The following BTBD1 variants were observed in gnomAD, a reference collection of about 807,000 sequenced individuals.
BTBD1 encodes the protein BTB/POZ domain-containing protein 1.
Under a neutral mutation model 48.0 loss-of-function variants are expected in BTBD1, and 34 were observed. That is an observed-to-expected ratio of 0.71 (90% confidence interval 0.54 to 0.94). BTBD1 has a LOEUF of 0.94. Among genes scored for constraint, BTBD1 ranks in the 40% least tolerant of loss-of-function variants. The pLI is 0.00. For missense variants in BTBD1, 543 were observed against 625.6 expected (o/e 0.87, Z 1.41); for synonymous variants, 261 against 242.1 (o/e 1.08, Z -0.72).
intron 1 of BTBD1, among the ~76,000 whole-genome samples, chr15:83,058,539 G>T (rs2033124722): frequency 6.6e-6 from 1 of 152,076 alleles, no homozygotes; most frequent in Admixed American, 6.6e-5. Flanking sequence ...AATCTGGGAG[G>T]TGGAGGCTGC....
chr15:83,036,710 C>G (rs971412279), intron 4 of BTBD1, among the ~76,000 whole-genome samples: 1 of 152,190 alleles, frequency 6.6e-6, no homozygotes, highest in Admixed American at 6.5e-5. Flanking sequence ...AGTTGTATAA[C>G]AGAATATTAT....
chr15:83,020,585 T>C, intron 6 of BTBD1, 90 bp downstream of exon 6: 1 of 847,716 alleles, frequency 1.2e-6, no homozygotes, highest in Non-Finnish European at 1.9e-6. Flanking sequence ...TTGACAATTA[T>C]ATTGAAATTT....
At chr15:83,049,768 C>T (rs956932969) in intron 3 of BTBD1, among the ~76,000 whole-genome samples, 8 of 152,106 alleles carry the variant, frequency 5.3e-5, no homozygotes, top group African/African-American at 1.7e-4. Context: ...TCCAATTAGA[C>T]GTTTCCTTAA....
At chr15:83,064,594 T>C (rs2033229294) in intron 1 of BTBD1, among the ~76,000 whole-genome samples, 1 of 151,996 alleles carries the variant, frequency 6.6e-6, no homozygotes, top group Non-Finnish European at 1.5e-5. Context: ...CCCAAAATAG[T>C]TTTAGATTTG....
chr15:83,047,739 T>C (rs991340620), intron 3 of BTBD1, among the ~76,000 whole-genome samples: 1 of 152,218 alleles, frequency 6.6e-6, no homozygotes, highest in African/African-American at 2.4e-5. Flanking sequence ...TAATACTCCC[T>C]TGGTCTGTTA....
Position 83,032,046 on chromosome 15 carries a change from G to A in BTBD1, c.863-1718C>T, listed in dbSNP as rs555579292. 4.6e-4 allele frequency among the ~76,000 whole-genome samples: 70 copies of A among 152,338 alleles called. No individual in the cohort carries two copies. In the South Asian group the frequency reaches 0.014, roughly 31 times the overall value. On this transcript the variant is annotated intron_variant, in intron 4 of 7. Transcript: ENST00000261721. ...TTCCTTAAAGAACTAAAAAGGACTG[G>A]GGGTGGTGGCTCATGCCTGTAATCC...
At position 83,067,171 on chromosome 15, in the gene BTBD1, C is replaced by T. The variant is rs772894898; in HGVS notation, c.-20G>A. 7.1e-7 allele frequency: 1 copy of T among 1,412,386 alleles called. No homozygotes were observed. Among genetic ancestry groups the T allele is most frequent in the African/African-American group, 1.5e-5 (1 of 66,734 alleles). 87.5% of individuals were successfully genotyped at this position (1,412,386 alleles called of 1,614,324 possible). A position where few individuals can be genotyped will look rare whatever the true frequency, so the allele number is the denominator to read the frequency against. ...GGCCATCCTCCAGCTGCGCGGTTGC[C>T]CACGTTATGGACAAAACTCCGCCGC... On this transcript the variant is annotated 5_prime_UTR_variant, in exon 1 of 8. Transcript: ENST00000261721.
chr15:83,065,704 C>T (rs2033255492), intron 1 of BTBD1, among the ~76,000 whole-genome samples: 1 of 152,200 alleles, frequency 6.6e-6, no homozygotes, highest in Non-Finnish European at 1.5e-5. Flanking sequence ...AGATACTTGA[C>T]TCTTCTGGGC....
chr15:83,018,854 C>G lies in BTBD1; in HGVS notation c.1144-1G>C. 1 of 1,610,340 alleles carries G rather than the reference C, an allele frequency of 6.2e-7. No individual in the cohort carries two copies. Among genetic ancestry groups the G allele is most frequent in the Non-Finnish European group, 8.5e-7 (1 of 1,178,164 alleles). On this transcript the variant is annotated splice_acceptor_variant, in intron 6 of 7. Coordinates refer to ENST00000261721, the MANE Select transcript of BTBD1 (RefSeq NM_025238.4). LOFTEE classifies it high-confidence loss of function. The stretch of plus-strand genomic sequence containing the variant: ...TTTGCTTTTTCTCATATTCAATGAT[C>G]TGTAATTTTTAAGAGACAAGTTACA...
intron 5 of BTBD1, chr15:83,029,874 AAC>A: frequency 2.4e-6 from 1 of 417,270 alleles, no homozygotes; most frequent in African/African-American, 2.1e-5. Flanking sequence ...CTTGGGGAAA[AAC>A]AAAAAAATCA....
rs570968335 is a variant in BTBD1, at chr15:83,020,467, C to T, written c.1143+208G>A. 5 of 466,082 alleles carry T rather than the reference C, an allele frequency of 1.1e-5. No homozygotes were observed. In the Admixed American group the frequency reaches 1.6e-4, roughly 15 times the overall value. 28.9% of individuals were successfully genotyped at this position (466,082 alleles called of 1,614,324 possible). On this transcript the variant is annotated intron_variant, in intron 6 of 7. Transcript: ENST00000261721. ...TGGACAAAGAAGAGCTCCTTATATG[C>T]TACTGCTTTTGTGAAGGACCCCAAT...
At chr15:83,043,385 G>A (rs140923642) in intron 3 of BTBD1, among the ~76,000 whole-genome samples, 15 of 152,258 alleles carry the variant, frequency 9.9e-5, no homozygotes, top group African/African-American at 3.6e-4. Flanking sequence ...AGGCTGTGGG[G>A]AGAGGGGGCA....
chr15:83,042,767 A>C (rs2032793492), intron 3 of BTBD1, among the ~76,000 whole-genome samples: 1 of 152,244 alleles, frequency 6.6e-6, no homozygotes, highest in African/African-American at 2.4e-5. Flanking sequence ...CAGATTAAAT[A>C]AACACAAGTA....
intron 1 of BTBD1, 96 bp downstream of exon 1, chr15:83,066,655 G>C: frequency 8.0e-7 from 1 of 1,244,930 alleles, no homozygotes; most frequent in Non-Finnish European, 1.0e-6. Flanking sequence ...CCAGCCCAAG[G>C]TCATCCGGGA....
intron 5 of BTBD1, among the ~76,000 whole-genome samples, chr15:83,023,334 A>G (rs1163141477): frequency 6.6e-6 from 1 of 152,180 alleles, no homozygotes; most frequent in East Asian, 1.9e-4. Flanking sequence ...CCTTGGAATA[A>G]ATTCCTAGAA....
rs201223863 is a variant in BTBD1, at chr15:83,030,143, G to A, written c.1048C>T (p.Arg350Ter). ...SRWGYSGTSD[R>*]IRFTVNRRIS... ...CCCCAATATAACAGATACCTGATTCGATCACTCGTCCCACTGTAACCCCAG... is the reference window on the plus strand; with the variant it reads ...CCCCAATATAACAGATACCTGATTCAATCACTCGTCCCACTGTAACCCCAG... Residue 350 changes from arginine (R) to a stop codon, truncating the protein, a stop_gained, in exon 5 of 8, where the codon CGA (arginine) becomes TGA (stop). Coordinates refer to ENST00000261721, the MANE Select transcript of BTBD1 (RefSeq NM_025238.4). LOFTEE classifies it high-confidence loss of function. 2 of 1,613,424 alleles carry A rather than the reference G, an allele frequency of 1.2e-6. No homozygotes were observed. The highest frequency in any genetic ancestry group is 1.7e-6 in the Non-Finnish European group (2 of 1,179,864).
In BTBD1 at chr15:83,041,265, T is replaced by C. The variant is rs1296941266; in HGVS notation, c.862+463A>G. Among the ~76,000 whole-genome samples, 3 of 151,936 alleles carry C rather than the reference T, an allele frequency of 2.0e-5. No homozygotes were observed. In the South Asian group the frequency reaches 6.2e-4, roughly 32 times the overall value. ...TCTAACCTATACAATGTGGATAATATAATTTTGAAGGGCTTAAAATCATAC... is the reference window on the plus strand; with the variant it reads ...TCTAACCTATACAATGTGGATAATACAATTTTGAAGGGCTTAAAATCATAC... On this transcript the variant is annotated intron_variant, in intron 4 of 7. Coordinates refer to ENST00000261721, the MANE Select transcript of BTBD1 (RefSeq NM_025238.4).
chr15:83,024,298 T>C (rs1325335515), intron 5 of BTBD1: 2 of 152,278 alleles, frequency 1.3e-5, no homozygotes, highest in African/African-American at 2.4e-5. Context: ...TTTGTCTTTT[T>C]AATGTAGATT....
At chr15:83,039,328 T>C (rs2032693573) in intron 4 of BTBD1, among the ~76,000 whole-genome samples, 1 of 152,104 alleles carries the variant, frequency 6.6e-6, no homozygotes, top group East Asian at 1.9e-4. Context: ...TACAATGAGA[T>C]ACCACCTCAT....
Sources: gnomAD v4.1 joint callset for allele counts (sites outside exome capture counted in the v4.1 genomes callset) on GRCh38, gnomAD v4.1.1 for gene constraint, MANE v1.5 for transcripts, NCBI Gene and HGNC (gene_info 2026-07-23, HGNC 2026-07-21) for gene names.